OSMR: variants seen among roughly 807,000 people sequenced by gnomAD.
OSMR encodes the protein oncostatin M receptor.
A neutral mutation model predicts 99.9 loss-of-function variants in OSMR; 81 were observed. The observed-to-expected ratio is 0.81, with a 90% CI of 0.68 to 0.97. The LOEUF is 0.97. Ranked by LOEUF, OSMR falls within the 50% of genes least tolerant of loss-of-function variation. OSMR has a pLI of 0.00. For missense variants in OSMR, 1,099 were observed against 1,153.4 expected, an observed-to-expected ratio of 0.95 and a Z score of 0.68; for synonymous variants, 406 against 410.4, an observed-to-expected ratio of 0.99 and a Z score of 0.13.
chr5:38,942,710 C>T, intron 1 of OSMR: 1 of 755,158 alleles, frequency 1.3e-6, no homozygotes, highest in South Asian at 1.7e-5. Context: ...CCCGCGCTGA[C>T]CCCACAAAGT....
chr5:38,855,385 T>TGAC (rs1740760071), intron 1 of OSMR, among the ~76,000 whole-genome samples: 1 of 152,168 alleles, frequency 6.6e-6, no homozygotes, highest in Non-Finnish European at 1.5e-5. Context: ...GCTAGCTGCC[T>TGAC]GACATCTTTT....
intron 1 of OSMR, among the ~76,000 whole-genome samples, chr5:38,862,469 C>G (rs1199845811): frequency 6.6e-6 from 1 of 150,986 alleles, no homozygotes; most frequent in East Asian, 2.0e-4. Flanking sequence ...CTGAGACGCT[C>G]CTCACTTCCC....
chr5:38,898,614 A>C (rs1220072985), intron 7 of OSMR, among the ~76,000 whole-genome samples: 2 of 152,294 alleles, frequency 1.3e-5, no homozygotes, highest in East Asian at 3.9e-4. Context: ...ATTATTGATA[A>C]GTAAGGGCTT....
Position 38,923,226 on chromosome 5 carries a change from G to C in OSMR, c.1842G>C (p.Glu614Asp). The C allele has an allele frequency of 6.2e-7, 1 of 1,606,452 alleles. No individual in the cohort carries two copies. Among genetic ancestry groups the C allele is most frequent in the Non-Finnish European group, 8.5e-7 (1 of 1,173,302 alleles). Residue 614 changes from glutamate (E) to aspartate (D), a missense_variant, in exon 13 of 18, where the codon GAG becomes GAC. Glu to Asp is a conservative substitution (Grantham distance 45, BLOSUM62 2). Transcript: ENST00000274276. ...LSTKRIACLLEKKTGYSQELA... is the reference protein window; with the variant it reads ...LSTKRIACLLDKKTGYSQELA... ...CAAAAAGGATTGCTTGTTTATTAGA[G>C]AAAAAAACAGGATACTCTCAGGAAC...
At chr5:38,877,943 G>A (rs1391206499) in intron 3 of OSMR, among the ~76,000 whole-genome samples, 1 of 152,152 alleles carries the variant, frequency 6.6e-6, no homozygotes, top group Non-Finnish European at 1.5e-5. Flanking sequence ...GACTATTTCT[G>A]TAATCTTCTA....
rs1200405148 is a variant in OSMR at position 38,881,604 on chromosome 5, C to T, written c.258C>T (p.Ser86=). ...TSNVIWVGNY[S]TTVKWNQVLH... is the part of the protein sequence containing the mutation. ...CTCTTTGCTTTTAGGGGAATTACAG[C>T]ACCACTGTGAAGTGGAACCAGGTTC... The change falls in exon 4 of 18, where the codon AGC becomes AGT. Residue 86 remains serine (S), a synonymous_variant. Coordinates refer to ENST00000274276, the MANE Select transcript of OSMR (RefSeq NM_003999.3). 4 of 1,613,972 alleles carry T rather than the reference C, an allele frequency of 2.5e-6. No homozygotes were observed. The Admixed American group carries it at 5.0e-5, about 20-fold the overall frequency.
At position 38,918,886 on chromosome 5, in the gene OSMR, T is replaced by C. The variant is rs1280299010; in HGVS notation, c.1409T>C (p.Val470Ala). 6.2e-7 allele frequency: 1 copy of C among 1,613,878 alleles called. No homozygotes were observed. Among genetic ancestry groups the C allele is most frequent in the Admixed American group, 1.7e-5 (1 of 60,024 alleles). ...HANGKILFYNVVVENLDKPSS... is the reference protein window; with the variant it reads ...HANGKILFYNAVVENLDKPSS... ...AATGGAAAGATCCTGTTCTATAATG[T>C]AGTTGTAGAAAACCTAGACAAACCA... Residue 470 changes from valine (V) to alanine (A), a missense_variant, in exon 11 of 18, where the codon GTA becomes GCA. Physicochemically the swap from Val to Ala is moderately conservative, Grantham distance 64. Transcript: ENST00000274276.
chr5:38,930,064 C>T (rs61358069), intron 15 of OSMR, among the ~76,000 whole-genome samples: 37 of 152,294 alleles, frequency 2.4e-4, no homozygotes, highest in African/African-American at 7.9e-4. Context: ...CCACTTTTCC[C>T]CTTTAACATT....
rs1746090422 is a variant in OSMR at position 38,919,023 on chromosome 5, C to T, written c.1546C>T (p.Pro516Ser). The part of the protein sequence containing the change: ...VIANNSVGAS[P>S]ASVIVISADP... ...AGCCAACAACAGTGTGGGTGCTTCTCCTGCTTCTGTAATAGTCATCTCTGC... is the reference window on the plus strand; with the variant it reads ...AGCCAACAACAGTGTGGGTGCTTCTTCTGCTTCTGTAATAGTCATCTCTGC... Residue 516 changes from proline (P) to serine (S), a missense_variant, in exon 11 of 18, where the codon CCT becomes TCT. Transcript: ENST00000274276. 6.2e-7 allele frequency: 1 copy of T among 1,614,020 alleles called. No individual in the cohort carries two copies. Among genetic ancestry groups the T allele is most frequent in the Non-Finnish European group, 8.5e-7 (1 of 1,179,920 alleles).
In OSMR at chr5:38,881,679, T is replaced by C. The variant is rs185498494; in HGVS notation, c.333T>C (p.Phe111=). The change falls in exon 4 of 18, where the codon TTT becomes TTC. Residue 111 remains phenylalanine, a synonymous_variant. Coordinates refer to ENST00000274276, the MANE Select transcript of OSMR (RefSeq NM_003999.3). ...TCCCTTTGGAATGTGCCACACACTT[T>C]GTAAGAATAAAGAGTTTGGTGGACG... ...SELPLECATH[F]VRIKSLVDDA... 5.5e-5 allele frequency: 88 copies of C among 1,614,216 alleles called. No individual in the cohort carries two copies. The East Asian group carries it at 1.8e-3, about 34-fold the overall frequency.
intron 1 of OSMR, among the ~76,000 whole-genome samples, chr5:38,858,979 T>A (rs1741072168): frequency 6.6e-6 from 1 of 152,224 alleles, no homozygotes; most frequent in South Asian, 2.1e-4. Flanking sequence ...TGAGTTGAGT[T>A]CCTTGCATAT....
At chr5:38,917,373 G>A (rs764985348) in intron 9 of OSMR, 173 bp from the exon 10 acceptor site, 296 of 978,048 alleles carry the variant, frequency 3.0e-4, no homozygotes, top group Non-Finnish European at 3.5e-4. Context: ...CTAGTGAGGA[G>A]TGAGCAGTGT....
At chr5:38,931,147 C>T (rs769443782) in intron 15 of OSMR, among the ~76,000 whole-genome samples, 3 of 152,094 alleles carry the variant, frequency 2.0e-5, no homozygotes, top group Admixed American at 6.5e-5. Context: ...GAGAAATAAA[C>T]GTAATCATTT....
chr5:38,930,926 G>GTT (rs1746705998), intron 15 of OSMR, among the ~76,000 whole-genome samples: 2 of 56,894 alleles, frequency 3.5e-5, no homozygotes, highest in Admixed American at 3.8e-4. Flanking sequence ...CATTTTGTGT[G>GTT]TGTGTGTGTG....
At chr5:38,943,659 A>G (rs1442282791) in intron 1 of OSMR, among the ~76,000 whole-genome samples, 2 of 152,096 alleles carry the variant, frequency 1.3e-5, no homozygotes, top group African/African-American at 4.8e-5. Context: ...CTAAAAATAC[A>G]AAAATTAGCT....
chr5:38,929,249 G>T (rs1168394108), intron 15 of OSMR, among the ~76,000 whole-genome samples: 1 of 152,118 alleles, frequency 6.6e-6, no homozygotes, highest in Non-Finnish European at 1.5e-5. Context: ...TGTTGACATT[G>T]CAAAATAGTG....
chr5:38,931,789 A>G, intron 15 of OSMR, 94 bp from the exon 16 acceptor site: 3 of 1,562,004 alleles, frequency 1.9e-6, no homozygotes, highest in African/African-American at 1.4e-5. Flanking sequence ...AATAATAAAC[A>G]TGTAAAATTA....
intron 8 of OSMR, 138 bp from the exon 9 acceptor site, chr5:38,904,214 TC>T (rs1344521629): frequency 2.6e-6 from 4 of 1,526,072 alleles, no homozygotes; most frequent in African/African-American, 1.4e-5. Flanking sequence ...AAGATTTTTT[TC>T]CCCCCAAAGA....
rs1266596755 is a variant in OSMR, at chr5:38,918,973, G to GGT, written c.1499_1500dup (p.Ser501ValfsTer8). On this transcript the variant is annotated frameshift_variant, in exon 11 of 18. Transcript: ENST00000274276. LOFTEE classifies it high-confidence loss of function. ...AACAGCACAAAACTAATCCTTGACA[G>GGT]GTGTTCCTACCAAATCTGCGTCATA... 1.2e-6 allele frequency: 2 copies of GGT among 1,614,048 alleles called. No homozygotes were observed. Among genetic ancestry groups the GGT allele is most frequent in the Admixed American group, 3.3e-5 (2 of 59,996 alleles).
Sources: gnomAD v4.1 joint callset for allele counts (sites outside exome capture counted in the v4.1 genomes callset) on GRCh38, gnomAD v4.1.1 for gene constraint, MANE v1.5 for transcripts, NCBI Gene and HGNC (gene_info 2026-07-23, HGNC 2026-07-21) for gene names.